LRP1B: variants seen among roughly 807,000 people sequenced by gnomAD.
LRP1B encodes LDL receptor related protein 1B.
Under a neutral mutation model 556.6 loss-of-function variants are expected in LRP1B, and 217 were observed. The ratio of observed to expected loss-of-function variants is 0.39; its 90% CI spans 0.35 to 0.44. The LOEUF (loss-of-function observed/expected upper bound fraction) is 0.44. LRP1B is among the 20% of genes least tolerant of loss of function. LRP1B has a pLI of 1.00. For missense variants in LRP1B, 5,053 were observed against 5,620.8 expected, an observed-to-expected ratio of 0.90 and a Z score of 3.23; for synonymous variants, 2,047 against 1,865.8, an observed-to-expected ratio of 1.10 and a Z score of -2.50.
chr2:141,828,544 C>T (rs352979), intron 1 of LRP1B, among the ~76,000 whole-genome samples: 105,150 of 151,900 alleles, frequency 0.69, 36,725 homozygotes, highest in Middle Eastern at 0.81. Context: ...CTCAAGCGAG[C>T]TGACTCAGGG....
chr2:140,782,079 T>C (rs1689719590), intron 32 of LRP1B, among the ~76,000 whole-genome samples: 1 of 152,220 alleles, frequency 6.6e-6, no homozygotes, highest in Non-Finnish European at 1.5e-5. Context: ...TTCACACTGT[T>C]ATTGACATGA....
chr2:141,616,760 T>C (rs886201740), intron 2 of LRP1B, among the ~76,000 whole-genome samples: 4 of 152,232 alleles, frequency 2.6e-5, no homozygotes. Flanking sequence ...TCTAGTTTCG[T>C]ATGTTACTAA....
At chr2:141,513,602 C>T (rs1378485511) in intron 2 of LRP1B, among the ~76,000 whole-genome samples, 1 of 152,012 alleles carries the variant, frequency 6.6e-6, no homozygotes, top group Admixed American at 6.6e-5. Flanking sequence ...ATTTTTATGA[C>T]AGATAACTAG....
chr2:140,514,826 G>T, intron 50 of LRP1B, 54 bp from the exon 51 acceptor site: 1 of 1,473,922 alleles, frequency 6.8e-7, no homozygotes, highest in Non-Finnish European at 9.1e-7. Flanking sequence ...TCTTACAACA[G>T]ATCCGACAGT....
rs1301594522 is a variant in LRP1B, at chr2:140,491,171, AG to A, written c.9120+1436del. ...GTAGACATGTACTGAGCTACAAGGT[AG>A]GAAAATGAAGCAAGAAGCTATCACT... On this transcript the variant is annotated intron_variant, in intron 57 of 90. Transcript: ENST00000389484. Among the ~76,000 whole-genome samples the A allele has an allele frequency of 3.3e-5, 5 of 152,160 alleles. No homozygotes were observed. In the East Asian group the frequency reaches 9.6e-4, roughly 29 times the overall value.
At chr2:141,134,819 A>G (rs931136220) in intron 7 of LRP1B, among the ~76,000 whole-genome samples, 15 of 151,504 alleles carry the variant, frequency 9.9e-5, no homozygotes, top group African/African-American at 2.9e-4. Flanking sequence ...GTCACATTTT[A>G]TATTATTATT....
At chr2:142,042,418 C>T (rs1014999231) in intron 1 of LRP1B, among the ~76,000 whole-genome samples, 4 of 151,456 alleles carry the variant, frequency 2.6e-5, no homozygotes, top group Non-Finnish European at 5.9e-5. Context: ...ATGTTTCAAG[C>T]AGAATGACTG....
At chr2:140,522,366 A>G (rs1248250154) in intron 49 of LRP1B, among the ~76,000 whole-genome samples, 1 of 151,956 alleles carries the variant, frequency 6.6e-6, no homozygotes. Context: ...ACAAATGATT[A>G]TTTGAAACAA....
intron 2 of LRP1B, among the ~76,000 whole-genome samples, chr2:141,651,656 T>G (rs1689799007): frequency 6.6e-6 from 1 of 152,056 alleles, no homozygotes; most frequent in Non-Finnish European, 1.5e-5. Flanking sequence ...CAGAGGGAGA[T>G]TCTGTCATTA....
chr2:141,229,147 A>G, intron 6 of LRP1B, 36 bp downstream of exon 6: 1 of 1,604,290 alleles, frequency 6.2e-7, no homozygotes, highest in Non-Finnish European at 8.5e-7. Flanking sequence ...TGAAATCAGT[A>G]AAGGGTGGCA....
intron 1 of LRP1B, among the ~76,000 whole-genome samples, chr2:142,085,016 T>A (rs1361200410): frequency 6.6e-6 from 1 of 152,166 alleles, no homozygotes; most frequent in Non-Finnish European, 1.5e-5. Context: ...TCCAAGCTCT[T>A]TAATCTGTTG....
At chr2:140,877,808 C>A (rs1411368147) in intron 25 of LRP1B, among the ~76,000 whole-genome samples, 1 of 152,142 alleles carries the variant, frequency 6.6e-6, no homozygotes, top group Non-Finnish European at 1.5e-5. Context: ...CTAAAATGTA[C>A]AAAATCAAAC....
intron 41 of LRP1B, among the ~76,000 whole-genome samples, chr2:140,655,208 T>G (rs965085686): frequency 6.6e-6 from 1 of 152,094 alleles, no homozygotes; most frequent in Non-Finnish European, 1.5e-5. Context: ...TACCAATTCA[T>G]CAGTAAAACA....
chr2:141,315,812 A>G (rs1325732726), intron 3 of LRP1B, among the ~76,000 whole-genome samples: 2 of 138,374 alleles, frequency 1.4e-5, no homozygotes, highest in Non-Finnish European at 3.1e-5. Context: ...TGCCTCTGGG[A>G]TTACCTGATA....
intron 3 of LRP1B, among the ~76,000 whole-genome samples, chr2:141,336,526 A>G (rs1687855341): frequency 6.6e-6 from 1 of 152,100 alleles, no homozygotes. Context: ...TTTTGCTTAC[A>G]ATTTTTAACT....
rs200716037 is a variant in LRP1B at position 141,037,822 on chromosome 2, AGAAG to A, written c.1789+11160_1789+11163del. ...GGAAATGAAATTAGAAAGATCCAGC[AGAAG>A]GAAGACTTCCAAAAACCTTGCAAGC... On this transcript the variant is annotated intron_variant, in intron 11 of 90. Coordinates refer to ENST00000389484, the MANE Select transcript of LRP1B (RefSeq NM_018557.3). Among the ~76,000 whole-genome samples the A allele has an allele frequency of 3.8e-3, 576 of 152,038 alleles. 3 individuals are homozygous for A. Among genetic ancestry groups the A allele is most frequent in the Non-Finnish European group, 6.3e-3 (426 of 67,956 alleles).
intron 79 of LRP1B, among the ~76,000 whole-genome samples, chr2:140,331,123 T>A (rs1451985572): frequency 6.6e-6 from 1 of 152,146 alleles, no homozygotes; most frequent in African/African-American, 2.4e-5. Flanking sequence ...CACACATGTG[T>A]ATGTTCACTG....
At chr2:140,748,764 C>CATATAAT (rs1688447660) in intron 35 of LRP1B, among the ~76,000 whole-genome samples, 2 of 74,666 alleles carry the variant, frequency 2.7e-5, no homozygotes. Flanking sequence ...ATATTATATA[C>CATATAAT]ATGTATATAA....
At chr2:142,056,826 C>G (rs748398927) in intron 1 of LRP1B, among the ~76,000 whole-genome samples, 13 of 152,024 alleles carry the variant, frequency 8.6e-5, no homozygotes, top group Non-Finnish European at 1.6e-4. Context: ...TCCTCCTTCT[C>G]CCATATCTTT....
Sources: allele counts gnomAD v4.1 joint callset (sites outside exome capture counted in the v4.1 genomes callset), GRCh38; gene constraint gnomAD v4.1.1; transcripts MANE v1.5; gene names NCBI Gene and HGNC (gene_info 2026-07-23, HGNC 2026-07-21).